MTIF2: variants seen among roughly 807,000 people sequenced by gnomAD.
The protein encoded by MTIF2 is mitochondrial translational initiation factor 2, also known as translation initiation factor IF-2, mitochondrial.
MTIF2 carries 71 observed loss-of-function variants against 83.5 expected under a neutral mutation model. That is an observed-to-expected ratio of 0.85 (90% confidence interval 0.70 to 1.04). MTIF2 has a LOEUF of 1.04. Among genes scored for constraint, MTIF2 ranks in the 50% least tolerant of loss-of-function variants. The pLI, the probability that MTIF2 is intolerant of heterozygous loss-of-function variation, is 0.00. For synonymous variants in MTIF2, 319 were observed against 287.1 expected, an observed-to-expected ratio of 1.11 and a Z score of -1.12; for missense variants, 957 against 846.5, an observed-to-expected ratio of 1.13 and a Z score of -1.62.
chr2:55,249,612 T>G, intron 8 of MTIF2, 78 bp from the exon 9 acceptor site: 3 of 1,538,228 alleles, frequency 2.0e-6, no homozygotes, highest in East Asian at 4.5e-5. Flanking sequence ...GACATCAACT[T>G]TCTGTTCTGG....
intron 14 of MTIF2, among the ~76,000 whole-genome samples, chr2:55,237,657 T>C (rs1040491380): frequency 7.7e-5 from 11 of 142,072 alleles, no homozygotes; most frequent in African/African-American, 2.9e-4. Flanking sequence ...TTCTTTTTTT[T>C]TTTTTTTTTT....
At position 55,244,186 on chromosome 2, in the gene MTIF2, G is replaced by C. The variant is rs749034004; in HGVS notation, c.1154C>G (p.Ser385Cys). 5.0e-6 allele frequency: 8 copies of C among 1,614,016 alleles called. No individual in the cohort carries two copies. Among genetic ancestry groups the C allele is most frequent in the East Asian group, 2.2e-5 (1 of 44,872 alleles). The change falls in exon 11 of 16, where the codon TCT becomes TGT. Residue 385 changes from serine to cysteine, a missense_variant. Physicochemically the swap from Ser to Cys is moderately radical, Grantham distance 112 (BLOSUM62 -1). This residue lies in a region of MTIF2 where 733 missense variants were observed against 648.7 expected (regional missense o/e 1.13). Transcript: ENST00000263629. Reference sequence around the variant, plus strand: ...CCAACATTTTCCAGCAACCAGAACAGAGCCTTTTCTTAAAGTTCCTCTTTG... The same window carrying C: ...CCAACATTTTCCAGCAACCAGAACACAGCCTTTTCTTAAAGTTCCTCTTTG... ...IIQRGTLRKGSVLVAGKCWAK... is the reference protein window; with the variant it reads ...IIQRGTLRKGCVLVAGKCWAK...
chr2:55,266,576 C>G, intron 3 of MTIF2: 1 of 147,844 alleles, frequency 6.8e-6, no homozygotes, highest in East Asian at 1.9e-4. Context: ...TATGGCATTT[C>G]TACAATATGC....
chr2:55,265,018 G>A (rs59783675), intron 3 of MTIF2, among the ~76,000 whole-genome samples: 16,938 of 151,796 alleles, frequency 0.11, 1,122 homozygotes, highest in East Asian at 0.26. Context: ...CGAGGTGGGC[G>A]GATCACCTCA....
intron 8 of MTIF2, among the ~76,000 whole-genome samples, chr2:55,251,320 T>C (rs150622602): frequency 4.6e-5 from 7 of 152,244 alleles, no homozygotes; most frequent in Non-Finnish European, 7.4e-5. Flanking sequence ...TAGTACATCA[T>C]ACAAAGGCAG....
chr2:55,258,159 C>A lies in MTIF2; in HGVS notation c.332-3334G>T, dbSNP rs2104431332. Among the ~76,000 whole-genome samples, 4 of 152,250 alleles carry A rather than the reference C, an allele frequency of 2.6e-5. No homozygotes were observed. In the South Asian group the frequency reaches 8.3e-4, roughly 32 times the overall value. On this transcript the variant is annotated intron_variant, in intron 5 of 15. Transcript: ENST00000263629. ...TTAAATGGTTGTGTTTAACAACCAG[C>A]TCAAATAATTCCTTATAATTTAGCA... is the stretch of plus-strand genomic sequence containing the variant.
chr2:55,250,180 C>T (rs972599586), intron 8 of MTIF2, among the ~76,000 whole-genome samples: 7 of 152,070 alleles, frequency 4.6e-5, no homozygotes, highest in African/African-American at 9.7e-5. Context: ...ACCAAAATCC[C>T]GGCATACTCA....
rs748770128 is a variant in MTIF2 at position 55,252,507 on chromosome 2, C to G, written c.811G>C (p.Glu271Gln). 2 of 1,614,026 alleles carry G rather than the reference C, an allele frequency of 1.2e-6. No individual in the cohort carries two copies. The highest frequency in any genetic ancestry group is 2.7e-5 in the African/African-American group (2 of 74,928). ...ADDGVMKQTV[E>Q]SIQHAKDAQV... Reference sequence around the variant, plus strand: ...GCATCTTTGGCATGCTGAATAGATTCTACAGTTTGTTTCATCACTCCATCA... The same window carrying G: ...GCATCTTTGGCATGCTGAATAGATTGTACAGTTTGTTTCATCACTCCATCA... Residue 271 changes from glutamate to glutamine, a missense_variant, in exon 8 of 16, where the codon GAA (glutamate) becomes CAA (glutamine). Transcript: ENST00000263629.
chr2:55,246,624 G>A (rs1165092060), intron 9 of MTIF2, among the ~76,000 whole-genome samples, 163 bp from the exon 10 acceptor site: 1 of 151,994 alleles, frequency 6.6e-6, no homozygotes, highest in Non-Finnish European at 1.5e-5. Context: ...GGAGGGAGGG[G>A]AAACAAAAAT....
intron 10 of MTIF2, among the ~76,000 whole-genome samples, chr2:55,245,893 G>C (rs1425853314): frequency 6.6e-6 from 1 of 152,176 alleles, no homozygotes; most frequent in Non-Finnish European, 1.5e-5. Flanking sequence ...AAAGCAATGA[G>C]AAAACCTCTC....
chr2:55,252,857 T>C (rs553405232), intron 7 of MTIF2, among the ~76,000 whole-genome samples: 3 of 152,316 alleles, frequency 2.0e-5, no homozygotes, highest in Admixed American at 6.5e-5. Context: ...TTTTTTTCCA[T>C]GTAAAAATTT....
At chr2:55,237,955 T>C (rs1424423828) in intron 14 of MTIF2, among the ~76,000 whole-genome samples, 1 of 152,142 alleles carries the variant, frequency 6.6e-6, no homozygotes, top group African/African-American at 2.4e-5. Context: ...CCAGCCATCT[T>C]TGCCTATTCT....
chr2:55,257,440 C>T (rs1340987159), intron 5 of MTIF2, among the ~76,000 whole-genome samples: 2 of 152,042 alleles, frequency 1.3e-5, no homozygotes, highest in East Asian at 1.9e-4. Flanking sequence ...GAGACTGCGC[C>T]ACTGCACTCC....
chr2:55,243,402 C>G lies in MTIF2; in HGVS notation c.1564+14G>C. ...CAAAGAATGAACTGTAATGTAAAAT[C>G]TTTAAAAAGATACCTTTAATAATCA... On this transcript the variant is annotated intron_variant, in intron 12 of 15. Coordinates refer to ENST00000263629, the MANE Select transcript of MTIF2 (RefSeq NM_002453.3). The G allele has an allele frequency of 6.3e-7, 1 of 1,581,596 alleles. No individual in the cohort carries two copies. The highest frequency in any genetic ancestry group is 8.6e-7 in the Non-Finnish European group (1 of 1,159,840).
At position 55,240,040 on chromosome 2, in the gene MTIF2, A is replaced by G. The variant is rs778706297; in HGVS notation, c.1841T>C (p.Leu614Ser). 3.8e-5 allele frequency: 61 copies of G among 1,613,046 alleles called. No homozygotes were observed. Among genetic ancestry groups the G allele is most frequent in the Non-Finnish European group, 4.7e-5 (56 of 1,179,950 alleles). ...TGGGTGCTCTTCCACAGCACAGGGT[A>G]ATCTGCTGCTCAGTTCCTCTTGCAA... Reference protein sequence around the residue: ...EDLQEELSSRLPCAVEEHPVG... With the variant: ...EDLQEELSSRSPCAVEEHPVG... Residue 614 changes from leucine to serine, a missense_variant, in exon 14 of 16, where the codon TTA becomes TCA. Physicochemically the swap from Leu to Ser is moderately radical, Grantham distance 145 (BLOSUM62 -2). Transcript: ENST00000263629.
chr2:55,245,249 T>C (rs1676606892), intron 10 of MTIF2, among the ~76,000 whole-genome samples: 1 of 151,564 alleles, frequency 6.6e-6, no homozygotes, highest in African/African-American at 2.4e-5. Flanking sequence ...GTGCCAGGTG[T>C]AGTGGCTCAC....
intron 13 of MTIF2, among the ~76,000 whole-genome samples, chr2:55,241,501 C>T (rs1173037589): frequency 6.6e-6 from 1 of 151,484 alleles, no homozygotes; most frequent in African/African-American, 2.4e-5. Context: ...TTAACCCAAA[C>T]AGTTTAATCA....
intron 5 of MTIF2, among the ~76,000 whole-genome samples, 168 bp downstream of exon 5, chr2:55,262,148 G>A (rs929708980): frequency 6.6e-6 from 1 of 152,092 alleles, no homozygotes; most frequent in Admixed American, 6.6e-5. Flanking sequence ...TGGCAGTCAA[G>A]AAACTAACTA....
At chr2:55,237,189 G>C in intron 15 of MTIF2, 99 bp downstream of exon 15, 1 of 1,330,914 alleles carries the variant, frequency 7.5e-7, no homozygotes, top group Non-Finnish European at 1.0e-6. Context: ...CCTGAGCTGA[G>C]ATTATGGGCA....
Sources: gnomAD v4.1 joint callset for allele counts (sites outside exome capture counted in the v4.1 genomes callset) on GRCh38, gnomAD v4.1.1 for gene constraint, gnomAD v4.1.1 regional missense constraint, MANE v1.5 for transcripts, NCBI Gene and HGNC (gene_info 2026-07-23, HGNC 2026-07-21) for gene names.